Variants in HSD17B12 observed in about 807,000 individuals in gnomAD.
The protein encoded by HSD17B12 is very-long-chain 3-oxoacyl-CoA reductase.
HSD17B12 carries 32 observed loss-of-function variants against 39.3 expected under a neutral mutation model. The ratio of observed to expected loss-of-function variants is 0.81; its 90% CI spans 0.61 to 1.09. HSD17B12 has a LOEUF of 1.09. Among genes scored for constraint, HSD17B12 ranks in the 50% least tolerant of loss-of-function variants. HSD17B12 has a pLI of 0.00. For missense variants in HSD17B12, 342 were observed against 382.9 expected (o/e 0.89, Z 0.89); for synonymous variants, 150 against 146.7 (o/e 1.02, Z -0.16).
chr11:43,578,082 G>A, the HSD17B12 span, among the ~76,000 whole-genome samples: 1 of 152,176 alleles, frequency 6.6e-6, no homozygotes, highest in African/African-American at 2.4e-5. Context: ...CCAGGAGAGG[G>A]AGAATAAAAG....
intron 9 of HSD17B12, among the ~76,000 whole-genome samples, chr11:43,848,988 A>G (rs1309431911): frequency 6.6e-6 from 1 of 152,184 alleles, no homozygotes. Context: ...GCCTACTCAT[A>G]GCAGCCAGAA....
At chr11:43,749,565 T>C (rs1950446130) in intron 1 of HSD17B12, among the ~76,000 whole-genome samples, 1 of 152,118 alleles carries the variant, frequency 6.6e-6, no homozygotes, top group African/African-American at 2.4e-5. Context: ...CTCAAGTTGT[T>C]GATTGGTGAA....
chr11:43,840,102 T>C (rs1257700951), intron 9 of HSD17B12, 38 bp downstream of exon 9: 5 of 1,565,430 alleles, frequency 3.2e-6, no homozygotes, highest in Non-Finnish European at 4.4e-6. Flanking sequence ...TCCCTGTTTT[T>C]GTGTGGTTTC....
Position 43,838,310 on chromosome 11 carries a change from T to C in HSD17B12, c.537-7T>C. 6.2e-7 allele frequency: 1 copy of C among 1,608,400 alleles called. No individual in the cohort carries two copies. Among genetic ancestry groups the C allele is most frequent in the Admixed American group, 1.7e-5 (1 of 59,960 alleles). On this transcript the variant is annotated splice_region_variant and splice_polypyrimidine_tract_variant and intron_variant, in intron 7 of 10. Transcript: ENST00000278353. The stretch of plus-strand genomic sequence containing the variant: ...ACTCCTTTTACACGGTACATTTTCC[T>C]TTTTAGATCCAAAGGGGCTATTCTG...
intron 9 of HSD17B12, chr11:43,848,444 C>T (rs905363645): frequency 6.6e-6 from 1 of 152,124 alleles, no homozygotes; most frequent in Non-Finnish European, 1.5e-5. Context: ...CAGATATTCT[C>T]CATGGAAAAT....
chr11:43,813,362 T>C (rs1331380967), intron 4 of HSD17B12, among the ~76,000 whole-genome samples: 4 of 152,174 alleles, frequency 2.6e-5, no homozygotes, highest in Non-Finnish European at 5.9e-5. Context: ...TTTTGAAATA[T>C]AGCATTAATA....
Position 43,680,748 on chromosome 11 carries a change from C to A in HSD17B12, c.-80C>A. 1 of 1,307,960 alleles carries A rather than the reference C, an allele frequency of 7.6e-7. No homozygotes were observed. Among genetic ancestry groups the A allele is most frequent in the Non-Finnish European group, 1.1e-6 (1 of 904,444 alleles). The allele number at this position is 1,307,960 out of a possible 1,614,324, so 81.0% of individuals were successfully genotyped here. A position where few individuals can be genotyped will look rare whatever the true frequency, so the allele number is the denominator to read the frequency against. ...GCAGCGCCTATTAGTGTCATCCTCA[C>A]CGTCACGGCCGGCGCCTCCTCCTGG... On this transcript the variant is annotated 5_prime_UTR_variant, in exon 1 of 11. Transcript: ENST00000278353.
the HSD17B12 span, among the ~76,000 whole-genome samples, chr11:43,605,531 A>G: frequency 6.6e-6 from 1 of 150,520 alleles, no homozygotes; most frequent in Non-Finnish European, 1.5e-5. Flanking sequence ...ATTGCACTCC[A>G]GCCTGGGCAA....
the HSD17B12 span, among the ~76,000 whole-genome samples, chr11:43,562,041 T>C: frequency 6.6e-6 from 1 of 152,208 alleles, no homozygotes; most frequent in African/African-American, 2.4e-5. Flanking sequence ...TTATTTCGCT[T>C]CTTCGTAAAC....
chr11:43,652,463 C>T, the HSD17B12 span, among the ~76,000 whole-genome samples: 7 of 152,036 alleles, frequency 4.6e-5, no homozygotes, highest in East Asian at 1.9e-4. Context: ...AATTCAATTC[C>T]GACACTATCT....
the HSD17B12 span, among the ~76,000 whole-genome samples, chr11:43,609,138 T>A: frequency 6.6e-6 from 1 of 151,660 alleles, no homozygotes; most frequent in East Asian, 1.9e-4. Flanking sequence ...CCAATTTTCG[T>A]CATGTTGTCC....
At chr11:43,838,284 C>T (rs1020748029) in intron 7 of HSD17B12, 33 bp from the exon 8 acceptor site, 14 of 1,426,262 alleles carry the variant, frequency 9.8e-6, no homozygotes, top group Non-Finnish European at 1.4e-5. Context: ...ACTGTGGCTT[C>T]ACTCCTTTTA....
chr11:43,758,163 A>G (rs1450913099), intron 3 of HSD17B12, among the ~76,000 whole-genome samples: 2 of 152,216 alleles, frequency 1.3e-5, no homozygotes, highest in African/African-American at 4.8e-5. Context: ...TAAGTGAATC[A>G]TAAAAATATT....
intron 1 of HSD17B12, among the ~76,000 whole-genome samples, chr11:43,743,129 T>C (rs914688741): frequency 6.6e-6 from 1 of 152,204 alleles, no homozygotes; most frequent in Non-Finnish European, 1.5e-5. Context: ...GGAAAAAATG[T>C]TCTTGCTGGG....
At chr11:43,723,667 T>G (rs1812688344) in intron 1 of HSD17B12, among the ~76,000 whole-genome samples, 1 of 152,364 alleles carries the variant, frequency 6.6e-6, no homozygotes, top group South Asian at 2.1e-4. Context: ...AAATATCTTG[T>G]CTTACTAACA....
chr11:43,784,678 G>T (rs1827438170), intron 3 of HSD17B12, among the ~76,000 whole-genome samples: 1 of 152,100 alleles, frequency 6.6e-6, no homozygotes, highest in Non-Finnish European at 1.5e-5. Context: ...TAATACGCAG[G>T]GGAGCAGCAA....
chr11:43,807,231 G>A (rs189220951), intron 4 of HSD17B12, among the ~76,000 whole-genome samples: 24 of 152,296 alleles, frequency 1.6e-4, no homozygotes, highest in Non-Finnish European at 2.9e-4. Flanking sequence ...ACAAGTAGTG[G>A]GAACGTGTTG....
At chr11:43,560,860 A>G in the HSD17B12 span, among the ~76,000 whole-genome samples, 2 of 152,208 alleles carry the variant, frequency 1.3e-5, no homozygotes, top group African/African-American at 4.8e-5. Flanking sequence ...GAAGTAACCT[A>G]GACTTCAGGC....
intron 1 of HSD17B12, among the ~76,000 whole-genome samples, chr11:43,706,689 G>GGGGTGT (rs1037280801): frequency 8.0e-5 from 11 of 137,904 alleles, no homozygotes; most frequent in African/African-American, 3.0e-4. Flanking sequence ...TGAATGAAGG[G>GGGGTGT]GTGTGTGTGT....
Sources: allele counts gnomAD v4.1 joint callset (sites outside exome capture counted in the v4.1 genomes callset), GRCh38; gene constraint gnomAD v4.1.1; transcripts MANE v1.5; gene names NCBI Gene and HGNC (gene_info 2026-07-23, HGNC 2026-07-21).